NFXL1: variants seen among roughly 807,000 people sequenced by gnomAD.
NFXL1 encodes the protein nuclear transcription factor, X-box binding like 1.
Under a neutral mutation model 123.3 loss-of-function variants are expected in NFXL1, and 66 were observed. The observed-to-expected ratio is 0.54, with a 90% CI of 0.44 to 0.66. The LOEUF is 0.66. Among genes scored for constraint, NFXL1 ranks in the 30% least tolerant of loss-of-function variants. The pLI, the probability that NFXL1 is intolerant of heterozygous loss-of-function variation, is 0.00. For missense variants in NFXL1, 944 were observed against 1,125.6 expected (o/e 0.84, Z 2.31); for synonymous variants, 346 against 360.8 (o/e 0.96, Z 0.46).
At chr4:47,905,962 G>A (rs1312406004) in intron 3 of NFXL1, among the ~76,000 whole-genome samples, 2 of 152,072 alleles carry the variant, frequency 1.3e-5, no homozygotes, top group East Asian at 3.8e-4. Context: ...GTGCTTATTT[G>A]CTAGACACCG....
In NFXL1 at chr4:47,905,250, T is replaced by C; in HGVS notation, c.503A>G (p.Lys168Arg). Residue 168 changes from lysine (K) to arginine (R), a missense_variant, in exon 4 of 23, where the codon AAG becomes AGG. By Grantham distance (26) the Lys-to-Arg change is conservative (BLOSUM62 2). Transcript: ENST00000507489. ...MTCLICIASV[K>R]RNQAVWSCSG... is the part of the protein sequence containing the mutation. ...AGAAAAACTTACTGCTTGGTTTCTC[T>C]TCACCGAAGCAATACAAATTAGGCA... The C allele has an allele frequency of 6.6e-7, 1 of 1,526,482 alleles. No homozygotes were observed. The highest frequency in any genetic ancestry group is 1.7e-5 in the Admixed American group (1 of 58,304). The allele number at this position is 1,526,482 out of a possible 1,614,324, so 94.6% of individuals were successfully genotyped here.
rs1333028858 is a variant in NFXL1 at position 47,914,188 on chromosome 4, G to A, written c.16C>T (p.Arg6Cys). The A allele has an allele frequency of 6.6e-7, 1 of 1,515,476 alleles. No homozygotes were observed. Among genetic ancestry groups the A allele is most frequent in the Non-Finnish European group, 8.9e-7 (1 of 1,129,920 alleles). 93.9% of individuals were successfully genotyped at this position (1,515,476 alleles called of 1,614,324 possible). A position where few individuals can be genotyped will look rare whatever the true frequency, so the allele number is the denominator to read the frequency against. Reference sequence around the variant, plus strand: ...CGGCCTCGGCCACCGGCCACCTGGCGCCAGGAAGCTTCCATCCCTGCAAAG... The same window carrying A: ...CGGCCTCGGCCACCGGCCACCTGGCACCAGGAAGCTTCCATCCCTGCAAAG... MEASW[R>C]QVAGGRGRSR... is the part of the protein sequence containing the mutation. The change falls in exon 2 of 23, where the codon CGC becomes TGC. Residue 6 changes from arginine (R) to cysteine (C), a missense_variant. This residue lies in a region of NFXL1 where 303 missense variants were observed against 292.1 expected (regional missense o/e 1.04). Coordinates refer to ENST00000507489, the MANE Select transcript of NFXL1 (RefSeq NM_001278624.2).
Position 47,848,255 on chromosome 4 carries a change from A to G in NFXL1, c.2644T>C (p.Ser882Pro), listed in dbSNP as rs752012675. 1.2e-6 allele frequency: 2 copies of G among 1,612,942 alleles called. No homozygotes were observed. Among genetic ancestry groups the G allele is most frequent in the Admixed American group, 3.3e-5 (2 of 60,006 alleles). ...TAATATTTATGTTTTTGCCATAGTG[A>G]TAGCTCAACTGCCACTTCATCTCTT... ...RKRDEVAVELSLWQKHKYYLI... is the reference protein window; with the variant it reads ...RKRDEVAVELPLWQKHKYYLI... Residue 882 changes from serine (S) to proline (P), a missense_variant, in exon 23 of 23, where the codon TCA becomes CCA. Ser to Pro is a moderately conservative substitution (Grantham distance 74). Coordinates refer to ENST00000507489, the MANE Select transcript of NFXL1 (RefSeq NM_001278624.2).
At chr4:47,868,026 A>G (rs569676356) in intron 18 of NFXL1, among the ~76,000 whole-genome samples, 103 of 152,204 alleles carry the variant, frequency 6.8e-4, no homozygotes, top group Non-Finnish European at 1.2e-3. Context: ...AAAATCTAAG[A>G]AAAAAAGGGC....
At chr4:47,875,333 T>C (rs1198873210) in intron 17 of NFXL1, 40 bp from the exon 18 acceptor site, 1 of 1,489,244 alleles carries the variant, frequency 6.7e-7, no homozygotes, top group African/African-American at 1.4e-5. Context: ...AAGTACAAGG[T>C]AAGCCTAACA....
intron 18 of NFXL1, among the ~76,000 whole-genome samples, chr4:47,867,602 C>G (rs1424341162): frequency 6.6e-6 from 1 of 151,812 alleles, no homozygotes; most frequent in East Asian, 1.9e-4. Context: ...AAATTATTAA[C>G]CCTGAGTCGT....
Position 47,847,518 on chromosome 4 carries a change from T to C in NFXL1, c.*645A>G, listed in dbSNP as rs1733878870. On this transcript the variant is annotated 3_prime_UTR_variant, in exon 23 of 23. Transcript: ENST00000507489. ...AAAGACACGCAAGTTTTACGAAACA[T>C]GCCAACTTCAGTTAAAAGCTTCTTA... is the stretch of plus-strand genomic sequence containing the variant. The C allele has an allele frequency of 6.6e-6, 1 of 152,224 alleles. No homozygotes were observed. The highest frequency in any genetic ancestry group is 2.1e-4 in the South Asian group (1 of 4,834). The allele number at this position is 152,224 out of a possible 1,614,324, so 9.4% of individuals were successfully genotyped here. A position where few individuals can be genotyped will look rare whatever the true frequency, so the allele number is the denominator to read the frequency against.
At chr4:47,885,423 T>C (rs1244363968) in intron 14 of NFXL1, 75 bp downstream of exon 14, 9 of 1,222,970 alleles carry the variant, frequency 7.4e-6, no homozygotes, top group South Asian at 1.4e-5. Flanking sequence ...TCATTGCTCA[T>C]TGAAAAACTA....
chr4:47,873,344 A>G (rs1735560278), intron 18 of NFXL1, among the ~76,000 whole-genome samples: 1 of 152,146 alleles, frequency 6.6e-6, no homozygotes, highest in Non-Finnish European at 1.5e-5. Flanking sequence ...AACGTTTTCA[A>G]TTTACCCAGA....
intron 13 of NFXL1, 33 bp downstream of exon 13, chr4:47,885,846 C>T: frequency 6.3e-7 from 1 of 1,589,978 alleles, no homozygotes; most frequent in East Asian, 2.2e-5. Context: ...TGTACAACAT[C>T]AGATGGAAGC....
intron 22 of NFXL1, 67 bp downstream of exon 22, chr4:47,851,028 C>T (rs746226800): frequency 6.9e-6 from 8 of 1,165,848 alleles, no homozygotes; most frequent in South Asian, 4.9e-5. Flanking sequence ...TTGGAATATA[C>T]CCCGTGTTTG....
intron 18 of NFXL1, among the ~76,000 whole-genome samples, chr4:47,865,810 T>C (rs1735027660): frequency 6.6e-6 from 1 of 151,052 alleles, no homozygotes; most frequent in African/African-American, 2.4e-5. Flanking sequence ...AGCCCAGGAG[T>C]TCGAGACCAG....
At chr4:47,870,420 A>G (rs1002668534) in intron 18 of NFXL1, among the ~76,000 whole-genome samples, 1 of 152,234 alleles carries the variant, frequency 6.6e-6, no homozygotes, top group Non-Finnish European at 1.5e-5. Flanking sequence ...TGGATACTCC[A>G]ACATGGTGAC....
chr4:47,899,965 C>T (rs954906973), intron 5 of NFXL1, among the ~76,000 whole-genome samples: 24 of 152,180 alleles, frequency 1.6e-4, no homozygotes, highest in African/African-American at 5.3e-4. Context: ...CATTAGTTTT[C>T]TACTAACCAC....
At chr4:47,893,228 A>G (rs1235080760) in intron 11 of NFXL1, among the ~76,000 whole-genome samples, 2 of 152,124 alleles carry the variant, frequency 1.3e-5, no homozygotes, top group African/African-American at 2.4e-5. Flanking sequence ...TATAACATAC[A>G]TGTCCTTAAA....
intron 19 of NFXL1, among the ~76,000 whole-genome samples, chr4:47,860,598 C>T (rs1734709670): frequency 6.6e-6 from 1 of 152,192 alleles, no homozygotes; most frequent in Non-Finnish European, 1.5e-5. Context: ...AGTCCCCTGC[C>T]TGTAACAATC....
intron 15 of NFXL1, among the ~76,000 whole-genome samples, chr4:47,882,541 C>A (rs1269568065): frequency 6.6e-6 from 1 of 152,194 alleles, no homozygotes; most frequent in Non-Finnish European, 1.5e-5. Flanking sequence ...AACTATAGAG[C>A]TGTTCTACTT....
At chr4:47,853,457 G>C (rs138445172) in intron 20 of NFXL1, among the ~76,000 whole-genome samples, 13 of 152,088 alleles carry the variant, frequency 8.5e-5, no homozygotes, top group African/African-American at 2.9e-4. Context: ...CAAGGTTACA[G>C]ATACCTAGAA....
intron 2 of NFXL1, 151 bp downstream of exon 2, chr4:47,913,818 C>T (rs1416328165): frequency 1.9e-6 from 1 of 522,432 alleles, no homozygotes; most frequent in Non-Finnish European, 3.4e-6. Flanking sequence ...AAAAGAGCAG[C>T]CACCCGAAAG....
Sources: allele counts gnomAD v4.1 joint callset (sites outside exome capture counted in the v4.1 genomes callset), GRCh38; gene constraint gnomAD v4.1.1; regional missense constraint gnomAD v4.1.1; transcripts MANE v1.5; gene names NCBI Gene and HGNC (gene_info 2026-07-23, HGNC 2026-07-21).